The following NKAIN2 variants were observed in gnomAD, a reference collection of about 807,000 sequenced individuals.
NKAIN2 encodes the protein sodium/potassium-transporting ATPase subunit beta-1-interacting protein 2.
Under a neutral mutation model 32.6 loss-of-function variants are expected in NKAIN2, and 14 were observed. The observed-to-expected ratio is 0.43, with a 90% CI of 0.28 to 0.67. The LOEUF is 0.67. Among genes scored for constraint, NKAIN2 ranks in the 30% least tolerant of loss-of-function variants. The probability of loss-of-function intolerance (pLI) is 0.17; values close to 1 mark genes in which losing one functional copy is unlikely to be tolerated. For synonymous variants in NKAIN2, 80 were observed against 87.2 expected, an observed-to-expected ratio of 0.92 and a Z score of 0.46; for missense variants, 198 against 258.3, an observed-to-expected ratio of 0.77 and a Z score of 1.60.
chr6:124,106,352 T>A (rs1785120144), intron 1 of NKAIN2, among the ~76,000 whole-genome samples: 1 of 152,182 alleles, frequency 6.6e-6, no homozygotes, highest in South Asian at 2.1e-4. Flanking sequence ...CTTTAAGAGT[T>A]TATGATTTTT....
intron 1 of NKAIN2, among the ~76,000 whole-genome samples, chr6:123,937,308 C>G (rs915345887): frequency 6.6e-6 from 1 of 151,972 alleles, no homozygotes; most frequent in East Asian, 1.9e-4. Flanking sequence ...GTCTTGATTT[C>G]TAGAAAAGAT....
intron 2 of NKAIN2, among the ~76,000 whole-genome samples, chr6:124,348,667 G>A (rs568833692): frequency 2.6e-5 from 4 of 152,248 alleles, no homozygotes; most frequent in Non-Finnish European, 5.9e-5. Context: ...CAGCATGAGC[G>A]ACGCAGAAGA....
chr6:124,373,880 G>A lies in NKAIN2; in HGVS notation c.273+18533G>A, dbSNP rs138300407. ...GAGAAAATGCAGACAGAGAGTAAAG[G>A]CGGCTTTTTCATGAGGTCTTGTAGT... On this transcript the variant is annotated intron_variant, in intron 3 of 6. Transcript: ENST00000368417. 1.4e-4 allele frequency among the ~76,000 whole-genome samples: 21 copies of A among 152,222 alleles called. No homozygotes were observed. The East Asian group carries it at 2.5e-3, about 18-fold the overall frequency.
chr6:123,948,650 T>C (rs575874400), intron 1 of NKAIN2, among the ~76,000 whole-genome samples: 3 of 143,946 alleles, frequency 2.1e-5, no homozygotes, highest in African/African-American at 7.6e-5. Context: ...TCCTTGTGTA[T>C]TCTGGATATT....
chr6:124,586,685 C>T lies in NKAIN2; in HGVS notation c.274-71501C>T, dbSNP rs184855101. 2.4e-3 allele frequency among the ~76,000 whole-genome samples: 364 copies of T among 151,922 alleles called. 4 individuals carry two copies. Among genetic ancestry groups the T allele is most frequent in the Admixed American group, 2.2e-3 (33 of 15,276 alleles). On this transcript the variant is annotated intron_variant, in intron 3 of 6. Transcript: ENST00000368417. ...TACCATATGACCCAGCAATTCCACTCCTAGATATTTTCCTAAGTGAAATAA... is the reference window on the plus strand; with the variant it reads ...TACCATATGACCCAGCAATTCCACTTCTAGATATTTTCCTAAGTGAAATAA...
At chr6:124,001,522 T>C (rs751547441) in intron 1 of NKAIN2, among the ~76,000 whole-genome samples, 1 of 151,944 alleles carries the variant, frequency 6.6e-6, no homozygotes, top group Non-Finnish European at 1.5e-5. Context: ...ACATTTCATT[T>C]ACATAGACCT....
intron 1 of NKAIN2, among the ~76,000 whole-genome samples, chr6:124,169,661 T>C (rs997033800): frequency 2.6e-5 from 4 of 152,212 alleles, no homozygotes; most frequent in Non-Finnish European, 4.4e-5. Flanking sequence ...CTTTCCTTTC[T>C]GAGCCATGCT....
At chr6:124,756,257 C>A (rs1777959909) in intron 4 of NKAIN2, among the ~76,000 whole-genome samples, 1 of 152,156 alleles carries the variant, frequency 6.6e-6, no homozygotes, top group African/African-American at 2.4e-5. Flanking sequence ...CTGCCTGAGG[C>A]CCCTTCCTCA....
chr6:124,444,201 G>A (rs984051829), intron 3 of NKAIN2, among the ~76,000 whole-genome samples: 1 of 151,914 alleles, frequency 6.6e-6, no homozygotes, highest in Non-Finnish European at 1.5e-5. Flanking sequence ...AATGAATTAT[G>A]GAATGTACTA....
chr6:124,241,847 T>C (rs1793116548), intron 1 of NKAIN2, among the ~76,000 whole-genome samples: 1 of 151,888 alleles, frequency 6.6e-6, no homozygotes, highest in African/African-American at 2.4e-5. Flanking sequence ...TGAAAATGTA[T>C]ATGACAGAAA....
intron 2 of NKAIN2, among the ~76,000 whole-genome samples, chr6:124,339,267 C>T (rs1442409165): frequency 6.6e-6 from 1 of 151,926 alleles, no homozygotes; most frequent in Non-Finnish European, 1.5e-5. Flanking sequence ...ATCGCTTGAA[C>T]CCAGGAGGCA....
chr6:123,909,305 T>A (rs532038465), intron 1 of NKAIN2, among the ~76,000 whole-genome samples: 1 of 152,276 alleles, frequency 6.6e-6, no homozygotes, highest in South Asian at 2.1e-4. Context: ...TAATTCATTC[T>A]CACCCTTGCA....
intron 3 of NKAIN2, among the ~76,000 whole-genome samples, chr6:124,622,288 C>T (rs1783135138): frequency 6.6e-6 from 1 of 152,100 alleles, no homozygotes. Context: ...GGATGCAGAC[C>T]CTATGTGAAA....
At chr6:124,725,610 A>G (rs191756638) in intron 4 of NKAIN2, among the ~76,000 whole-genome samples, 2 of 152,154 alleles carry the variant, frequency 1.3e-5, no homozygotes, top group South Asian at 2.1e-4. Flanking sequence ...GAGTCTTCCA[A>G]ATGATACAGT....
Position 124,183,403 on chromosome 6 carries a change from T to C in NKAIN2, c.55-99602T>C, listed in dbSNP as rs141051078. 4.3e-3 allele frequency among the ~76,000 whole-genome samples: 652 copies of C among 152,212 alleles called. 13 individuals carry two copies. The highest frequency in any genetic ancestry group is 0.029 in the Admixed American group (437 of 15,284). ...TTATGATGAACAAGCTTCAAAATCATGATCAGTCTGTGAGTAAATTATTAG... is the reference window on the plus strand; with the variant it reads ...TTATGATGAACAAGCTTCAAAATCACGATCAGTCTGTGAGTAAATTATTAG... On this transcript the variant is annotated intron_variant, in intron 1 of 6. Coordinates refer to ENST00000368417, the MANE Select transcript of NKAIN2 (RefSeq NM_001040214.3).
chr6:124,469,704 C>A (rs957653260), intron 3 of NKAIN2, among the ~76,000 whole-genome samples: 25 of 152,136 alleles, frequency 1.6e-4, no homozygotes, highest in Non-Finnish European at 1.9e-4. Context: ...TCTTATAGAT[C>A]TCATATATTG....
chr6:124,028,825 A>ATACGTG, intron 1 of NKAIN2, among the ~76,000 whole-genome samples: 3 of 140,748 alleles, frequency 2.1e-5, no homozygotes, highest in African/African-American at 5.7e-5. Flanking sequence ...ATATGTGTAT[A>ATACGTG]TATATACATA....
chr6:124,773,541 G>C (rs1778854598), intron 4 of NKAIN2, among the ~76,000 whole-genome samples: 1 of 152,090 alleles, frequency 6.6e-6, no homozygotes, highest in South Asian at 2.1e-4. Flanking sequence ...GATAGCAATG[G>C]AGGTAAATTT....
intron 3 of NKAIN2, among the ~76,000 whole-genome samples, chr6:124,377,131 C>T (rs1020652189): frequency 2.2e-4 from 34 of 152,168 alleles, no homozygotes; most frequent in African/African-American, 8.0e-4. Context: ...ATAATAATAT[C>T]ACTAAAAATG....
Sources: allele counts gnomAD v4.1 joint callset (sites outside exome capture counted in the v4.1 genomes callset), GRCh38; gene constraint gnomAD v4.1.1; transcripts MANE v1.5; gene names NCBI Gene and HGNC (gene_info 2026-07-23, HGNC 2026-07-21).